The following RP1 variants were observed in gnomAD, a reference collection of about 807,000 sequenced individuals.
RP1 encodes the protein oxygen-regulated protein 1.
Under a neutral mutation model 14.8 loss-of-function variants are expected in RP1, and 16 were observed. The observed-to-expected ratio is 1.08, with a 90% CI of 0.73 to 1.65. The LOEUF (loss-of-function observed/expected upper bound fraction) is 1.65, where lower values mean the gene tolerates loss of function less well. Among genes scored for constraint, RP1 ranks in the 40% most tolerant of loss-of-function variants. The pLI, the probability that RP1 is intolerant of heterozygous loss-of-function variation, is 0.00. For missense variants in RP1, 2,631 were observed against 2,535.0 expected (o/e 1.04, Z -0.81); for synonymous variants, 876 against 883.6 (o/e 0.99, Z 0.15).
chr8:54,655,851 C>CAAAT (rs3048820), intron 5 of RP1, among the ~76,000 whole-genome samples: 41,173 of 150,250 alleles, frequency 0.27, 5,781 homozygotes, highest in East Asian at 0.41. Flanking sequence ...GACTTTGTCT[C>CAAAT]AAATAAATAA....
upstream of RP1, among the ~76,000 whole-genome samples, chr8:54,615,617 G>A (rs543924462): frequency 6.8e-4 from 104 of 152,290 alleles, no homozygotes; most frequent in Non-Finnish European, 1.3e-3. Flanking sequence ...GTTATGCTGA[G>A]TCACCAAATT....
At chr8:54,732,270 A>T (rs923168712) in intron 17 of RP1, among the ~76,000 whole-genome samples, 1 of 151,824 alleles carries the variant, frequency 6.6e-6, no homozygotes, top group South Asian at 2.1e-4. Flanking sequence ...TTTTCTGCCC[A>T]CTCCTCAATT....
intron 27 of RP1, among the ~76,000 whole-genome samples, chr8:54,864,855 G>A (rs1376251636): frequency 6.6e-6 from 1 of 152,094 alleles, no homozygotes; most frequent in African/African-American, 2.4e-5. Flanking sequence ...TCATCCACAT[G>A]AATTTTATTA....
At chr8:54,740,983 C>T (rs1241261574) in intron 19 of RP1, among the ~76,000 whole-genome samples, 1 of 150,748 alleles carries the variant, frequency 6.6e-6, no homozygotes, top group African/African-American at 2.4e-5. Context: ...TTGCAGTGAG[C>T]TGAGATTGCA....
At chr8:54,675,078 A>G (rs983263768) in intron 8 of RP1, among the ~76,000 whole-genome samples, 2 of 152,176 alleles carry the variant, frequency 1.3e-5, no homozygotes, top group African/African-American at 4.8e-5. Flanking sequence ...AAAGGCAATA[A>G]TTTTCAACCT....
At chr8:54,847,451 C>A (rs1811951046) in intron 25 of RP1, among the ~76,000 whole-genome samples, 1 of 152,140 alleles carries the variant, frequency 6.6e-6, no homozygotes, top group Non-Finnish European at 1.5e-5. Context: ...GATATGTTTG[C>A]CAGAATGATG....
intron 4 of RP1, chr8:54,649,159 A>C: frequency 3.4e-6 from 5 of 1,473,036 alleles, no homozygotes; most frequent in Non-Finnish European, 4.4e-6. Flanking sequence ...GTAAGTAATA[A>C]AACTGAGTAT....
chr8:54,789,631 A>G (rs1330061079), intron 24 of RP1, among the ~76,000 whole-genome samples: 1 of 152,124 alleles, frequency 6.6e-6, no homozygotes, highest in Non-Finnish European at 1.5e-5. Context: ...GCCCCACCTG[A>G]CAATAAAACC....
rs184303249 is a variant in RP1, at chr8:54,573,939, A to G, written c.-13+14619A>G. Among the ~76,000 whole-genome samples the G allele has an allele frequency of 4.1e-4, 62 of 152,328 alleles. No individual in the cohort carries two copies. In the Middle Eastern group the frequency reaches 0.01, roughly 25 times the overall value. ...GAGGGGAGCAGGGCCATTTGACTCA[A>G]GTCCTGAGCTTTCAGAAGACTTGGG... On this transcript the variant is annotated intron_variant, in intron 1 of 22. Coordinates refer to the RP1 transcript ENST00000636932.
chr8:54,833,370 C>T (rs932156377), intron 24 of RP1, among the ~76,000 whole-genome samples: 2 of 151,924 alleles, frequency 1.3e-5, no homozygotes, highest in African/African-American at 2.4e-5. Context: ...AAATCCCTGG[C>T]TTCTCTGCCT....
chr8:54,856,625 TG>T (rs1375503297), intron 26 of RP1, among the ~76,000 whole-genome samples: 1 of 152,182 alleles, frequency 6.6e-6, no homozygotes, highest in Non-Finnish European at 1.5e-5. Context: ...TCTCTTCGAC[TG>T]TGAAATGAGA....
At chr8:54,752,953 C>T in intron 19 of RP1, among the ~76,000 whole-genome samples, 1 of 152,296 alleles carries the variant, frequency 6.6e-6, no homozygotes, top group Middle Eastern at 3.4e-3. Flanking sequence ...ATATACATTT[C>T]ACTAATGTTA....
At chr8:54,575,216 C>A (rs1804615396) in intron 1 of RP1, among the ~76,000 whole-genome samples, 1 of 152,102 alleles carries the variant, frequency 6.6e-6, no homozygotes, top group South Asian at 2.1e-4. Context: ...CTCTACTGCA[C>A]CAGCAGATGC....
At chr8:54,823,673 T>G (rs751242359) in intron 24 of RP1, among the ~76,000 whole-genome samples, 45 of 152,340 alleles carry the variant, frequency 3.0e-4, no homozygotes, top group Non-Finnish European at 4.7e-4. Context: ...ATGGTATGGA[T>G]GTATGGCAGT....
At chr8:54,619,713 G>A (rs1805808895) in intron 1 of RP1, among the ~76,000 whole-genome samples, 1 of 152,218 alleles carries the variant, frequency 6.6e-6, no homozygotes, top group Non-Finnish European at 1.5e-5. Flanking sequence ...CCATAGCAAT[G>A]CTGTCATTCA....
At chr8:54,708,573 A>T (rs1353729795) in intron 15 of RP1, among the ~76,000 whole-genome samples, 1 of 151,738 alleles carries the variant, frequency 6.6e-6, no homozygotes, top group African/African-American at 2.4e-5. Flanking sequence ...GTTAGCCAGG[A>T]TGGTCTCGAT....
chr8:54,813,968 T>A (rs544683922), intron 24 of RP1, among the ~76,000 whole-genome samples: 23 of 152,348 alleles, frequency 1.5e-4, no homozygotes, highest in African/African-American at 5.5e-4. Context: ...GAGCAAATGA[T>A]ATAACCTCTC....
intron 1 of RP1, among the ~76,000 whole-genome samples, chr8:54,578,853 C>A (rs1480062036): frequency 6.6e-6 from 1 of 152,154 alleles, no homozygotes; most frequent in African/African-American, 2.4e-5. Flanking sequence ...AGTCTCAGGG[C>A]AGTTAAGTTC....
At chr8:54,679,455 T>C in exon 10 of RP1, 2 of 1,535,996 alleles carry the variant, frequency 1.3e-6, no homozygotes, top group African/African-American at 1.4e-5. Context: ...TGTAAAATTG[T>C]CAGAGAACTG....
Sources: allele counts gnomAD v4.1 joint callset (sites outside exome capture counted in the v4.1 genomes callset), GRCh38; gene constraint gnomAD v4.1.1; transcripts MANE v1.5; gene names NCBI Gene and HGNC (gene_info 2026-07-23, HGNC 2026-07-21).